Variants in RYR2 observed in about 807,000 individuals in gnomAD.
RYR2 encodes the protein cardiac muscle ryanodine receptor-calcium release channel.
RYR2 carries 227 observed loss-of-function variants against 601.1 expected under a neutral mutation model. That is an observed-to-expected ratio of 0.38 (90% CI 0.34 to 0.42). RYR2 has a LOEUF of 0.42. RYR2 is among the 10% of genes least tolerant of loss of function. The pLI is 1.00. For synonymous variants in RYR2, 2,223 were observed against 2,175.1 expected (o/e 1.02, Z -0.61); for missense variants, 4,646 against 6,156.5 (o/e 0.75, Z 8.21).
At chr1:237,350,394 ACT>A (rs1272705998) in intron 3 of RYR2, among the ~76,000 whole-genome samples, 2 of 151,102 alleles carry the variant, frequency 1.3e-5, no homozygotes, top group Non-Finnish European at 2.9e-5. Context: ...ACGTGGGGAA[ACT>A]CTGTCTCTGC....
At chr1:237,347,850 A>G (rs867678198) in intron 3 of RYR2, among the ~76,000 whole-genome samples, 84 of 152,318 alleles carry the variant, frequency 5.5e-4, no homozygotes, top group African/African-American at 1.7e-3. Flanking sequence ...TAAATTTAAA[A>G]GGAAATATGA....
chr1:237,430,257 C>A (rs1303520107), intron 12 of RYR2, among the ~76,000 whole-genome samples: 5 of 150,258 alleles, frequency 3.3e-5, no homozygotes, highest in African/African-American at 1.2e-4. Context: ...ATATATTGAT[C>A]TGGAGATATG....
intron 57 of RYR2, among the ~76,000 whole-genome samples, chr1:237,667,321 A>AT (rs1280433592): frequency 1.3e-5 from 2 of 152,204 alleles, no homozygotes; most frequent in African/African-American, 4.8e-5. Context: ...TTGGTTTGCC[A>AT]TTTGTTATTG....
chr1:237,656,698 T>C (rs914579779), intron 53 of RYR2, among the ~76,000 whole-genome samples: 1 of 152,206 alleles, frequency 6.6e-6, no homozygotes, highest in Admixed American at 6.5e-5. Flanking sequence ...TTGGTAGTTA[T>C]TATCCACGGC....
At chr1:237,200,697 T>A (rs1309535174) in intron 1 of RYR2, among the ~76,000 whole-genome samples, 1 of 152,238 alleles carries the variant, frequency 6.6e-6, no homozygotes, top group African/African-American at 2.4e-5. Context: ...AATTGATACT[T>A]TGGGTTGATA....
chr1:237,096,995 C>T (rs1443233060), intron 1 of RYR2, among the ~76,000 whole-genome samples: 2 of 152,156 alleles, frequency 1.3e-5, no homozygotes, highest in Non-Finnish European at 1.5e-5. Flanking sequence ...TGATTTTAGT[C>T]TATTTTAGTC....
intron 27 of RYR2, among the ~76,000 whole-genome samples, chr1:237,559,797 G>C (rs1671273880): frequency 6.6e-6 from 1 of 152,150 alleles, no homozygotes; most frequent in Non-Finnish European, 1.5e-5. Flanking sequence ...CCCTATTTCA[G>C]ATTTTGTTGT....
intron 1 of RYR2, among the ~76,000 whole-genome samples, chr1:237,227,066 G>T (rs149605186): frequency 6.6e-6 from 1 of 152,106 alleles, no homozygotes; most frequent in South Asian, 2.1e-4. Context: ...GAGCCCCTGT[G>T]CCCAGCCTGT....
chr1:237,127,502 C>T (rs1216406608), intron 1 of RYR2, among the ~76,000 whole-genome samples: 3 of 150,846 alleles, frequency 2.0e-5, no homozygotes, highest in South Asian at 2.1e-4. Flanking sequence ...GGCGGCTGGC[C>T]GGGCGGGGGG....
At chr1:237,068,629 C>T (rs897348350) in intron 1 of RYR2, among the ~76,000 whole-genome samples, 1 of 152,174 alleles carries the variant, frequency 6.6e-6, no homozygotes, top group Admixed American at 6.5e-5. Context: ...CTTCTCATTA[C>T]ATTTGCCCTG....
chr1:237,693,883 C>T (rs896005272), intron 63 of RYR2, among the ~76,000 whole-genome samples: 4 of 152,118 alleles, frequency 2.6e-5, no homozygotes, highest in East Asian at 1.9e-4. Flanking sequence ...AAAACACTGA[C>T]GTCTTTAAAT....
At chr1:237,104,230 C>T (rs1234832655) in intron 1 of RYR2, among the ~76,000 whole-genome samples, 3 of 152,102 alleles carry the variant, frequency 2.0e-5, no homozygotes, top group Non-Finnish European at 4.4e-5. Context: ...ATTTGGCCGG[C>T]GTTCCCTTTG....
At chr1:237,224,851 CTT>C (rs770256633) in intron 1 of RYR2, among the ~76,000 whole-genome samples, 16 of 152,064 alleles carry the variant, frequency 1.1e-4, no homozygotes, top group Non-Finnish European at 2.4e-4. Flanking sequence ...CAGAGCAAGA[CTT>C]TGTCATTTAC....
intron 12 of RYR2, among the ~76,000 whole-genome samples, chr1:237,437,970 A>AG: frequency 6.6e-6 from 1 of 152,240 alleles, no homozygotes; most frequent in East Asian, 1.9e-4. Context: ...CTTTTGAAGG[A>AG]GGTTTCCATT....
chr1:237,437,199 C>T (rs535885544), intron 12 of RYR2, among the ~76,000 whole-genome samples: 1 of 151,918 alleles, frequency 6.6e-6, no homozygotes, highest in East Asian at 1.9e-4. Flanking sequence ...CACCCGCCAC[C>T]ACGCTCAGCT....
At chr1:237,400,331 C>T (rs980285697) in intron 10 of RYR2, among the ~76,000 whole-genome samples, 5 of 152,282 alleles carry the variant, frequency 3.3e-5, no homozygotes, top group African/African-American at 4.8e-5. Context: ...CCTTCTCCTC[C>T]GCATTCCATC....
chr1:237,477,692 C>T (rs1161015643), intron 17 of RYR2, among the ~76,000 whole-genome samples: 1 of 152,206 alleles, frequency 6.6e-6, no homozygotes, highest in African/African-American at 2.4e-5. Flanking sequence ...ACCTAAGGTA[C>T]ATTGTCATGG....
chr1:237,490,239 T>A (rs1663175337), intron 17 of RYR2, among the ~76,000 whole-genome samples: 1 of 152,152 alleles, frequency 6.6e-6, no homozygotes, highest in Non-Finnish European at 1.5e-5. Flanking sequence ...CTTTGCTCAC[T>A]ACCTGGTTGA....
intron 40 of RYR2, 82 bp from the exon 41 acceptor site, chr1:237,627,725 G>A (rs982502891): frequency 2.9e-5 from 40 of 1,378,984 alleles, no homozygotes; most frequent in Non-Finnish European, 3.7e-5. Flanking sequence ...CAATTTGGGG[G>A]TACAGGATAT....
Sources: gnomAD v4.1 joint callset for allele counts (sites outside exome capture counted in the v4.1 genomes callset) on GRCh38, gnomAD v4.1.1 for gene constraint, MANE v1.5 for transcripts, NCBI Gene and HGNC (gene_info 2026-07-23, HGNC 2026-07-21) for gene names.